Variants in NBN observed in about 807,000 individuals in gnomAD.
NBN encodes Nijmegen breakage syndrome 1 (nibrin).
Under a neutral mutation model 90.8 loss-of-function variants are expected in NBN, and 88 were observed. The observed-to-expected ratio is 0.97, with a 90% confidence interval of 0.82 to 1.16. NBN has a LOEUF of 1.16. Among genes scored for constraint, NBN ranks in the 50% most tolerant of loss-of-function variants. The pLI is 0.00. For missense variants in NBN, 894 were observed against 869.6 expected (o/e 1.03, Z -0.35); for synonymous variants, 328 against 295.1 (o/e 1.11, Z -1.14).
intron 5 of NBN, among the ~76,000 whole-genome samples, chr8:89,975,387 T>C (rs572977529): frequency 7.2e-5 from 11 of 152,352 alleles, no homozygotes; most frequent in South Asian, 2.1e-4. Context: ...TCGTAACCCA[T>C]TCCTTCTACT....
At chr8:89,952,944 T>G (rs1212637168) in intron 11 of NBN, among the ~76,000 whole-genome samples, 3 of 152,198 alleles carry the variant, frequency 2.0e-5, no homozygotes, top group Admixed American at 2.0e-4. Context: ...CTGTTTCTTA[T>G]ACTGAAGCAT....
intron 15 of NBN, among the ~76,000 whole-genome samples, chr8:89,936,610 A>G (rs1475347052): frequency 6.6e-6 from 1 of 152,190 alleles, no homozygotes; most frequent in Non-Finnish European, 1.5e-5. Context: ...AAAACCTCCC[A>G]CAAAAACCTG....
intron 6 of NBN, 112 bp downstream of exon 6, chr8:89,971,061 C>A: frequency 1.6e-6 from 2 of 1,233,698 alleles, no homozygotes; most frequent in South Asian, 1.3e-5. Context: ...CTACTTCACA[C>A]TTTTACACAA....
At chr8:89,950,056 G>C (rs1239677388) in intron 11 of NBN, among the ~76,000 whole-genome samples, 4 of 152,198 alleles carry the variant, frequency 2.6e-5, no homozygotes, top group Admixed American at 6.5e-5. Flanking sequence ...ATTAGATAAA[G>C]GGTTCGCTGC....
At chr8:89,939,754 G>A (rs1229451334) in intron 14 of NBN, among the ~76,000 whole-genome samples, 1 of 152,180 alleles carries the variant, frequency 6.6e-6, no homozygotes, top group African/African-American at 2.4e-5. Flanking sequence ...GCTGGGAAGG[G>A]ACTAATGGTG....
At position 89,943,296 on chromosome 8, in the gene NBN, C is replaced by T. The variant is rs753270166; in HGVS notation, c.2141G>A (p.Arg714Gln). The T allele has an allele frequency of 1.1e-5, 18 of 1,613,494 alleles. No individual in the cohort carries two copies. The highest frequency in any genetic ancestry group is 2.7e-5 in the African/African-American group (2 of 74,864). ...GGSDLIAHHA[R>Q]KNTELEEWLR... ...CCACTCTTCTAGTTCTGTATTCTTT[C>T]GAGCATGATGAGCTATTAGATCTGA... Residue 714 changes from arginine to glutamine, a missense_variant, in exon 14 of 16, where the codon CGA becomes CAA. Transcript: ENST00000265433.
chr8:89,978,424 A>C, intron 4 of NBN, 101 bp from the exon 5 acceptor site: 2 of 917,224 alleles, frequency 2.2e-6, no homozygotes, highest in Non-Finnish European at 3.4e-6. Flanking sequence ...TACATCCATA[A>C]AAAATAATGT....
intron 11 of NBN, among the ~76,000 whole-genome samples, chr8:89,951,834 CT>C (rs1030258380): frequency 3.3e-5 from 5 of 152,154 alleles, no homozygotes; most frequent in African/African-American, 9.7e-5. Flanking sequence ...TTCATTCTCT[CT>C]TTTTTCCTTA....
chr8:89,942,499 C>G (rs969029987), intron 14 of NBN, among the ~76,000 whole-genome samples: 4 of 151,992 alleles, frequency 2.6e-5, no homozygotes, highest in Non-Finnish European at 5.9e-5. Context: ...AACTTGAAAA[C>G]AAGGTACATA....
rs1810548489 is a variant in NBN, at chr8:89,953,513, T to C, written c.1576A>G (p.Thr526Ala). The stretch of plus-strand genomic sequence containing the variant: ...TTTTTCACAATAGATTTTAAATCTG[T>C]ATCTGTAAATAAGTTATTGTCTGAG... ...TNSDNNLFTD[T>A]DLKSIVKNSA... The change falls in exon 11 of 16, where the codon ACA (threonine) becomes GCA (alanine). Residue 526 changes from threonine to alanine, a missense_variant. By Grantham distance (58) the Thr-to-Ala change is moderately conservative. Transcript: ENST00000265433. 1 of 1,613,658 alleles carries C rather than the reference T, an allele frequency of 6.2e-7. No individual in the cohort carries two copies. Among genetic ancestry groups the C allele is most frequent in the African/African-American group, 1.3e-5 (1 of 74,928 alleles).
chr8:89,984,383 T>G, intron 1 of NBN, 142 bp downstream of exon 1: 1 of 780,618 alleles, frequency 1.3e-6, no homozygotes, highest in Non-Finnish European at 2.2e-6. Flanking sequence ...GCGCTTGCCA[T>G]ACAGCGTACT....
rs1060503454 is a variant in NBN at position 89,943,308 on chromosome 8, G to A, written c.2129C>T (p.Ala710Val). The A allele has an allele frequency of 1.9e-6, 3 of 1,613,072 alleles. No homozygotes were observed. In the African/African-American group the frequency reaches 4.0e-5, roughly 22 times the overall value. Residue 710 changes from alanine (A) to valine (V), a missense_variant, in exon 14 of 16, where the codon GCT (alanine) becomes GTT (valine). By Grantham distance (64) the Ala-to-Val change is moderately conservative (BLOSUM62 0). Coordinates refer to ENST00000265433, the MANE Select transcript of NBN (RefSeq NM_002485.5). ...PHIIGGSDLI[A>V]HHARKNTELE... ...TTCTGTATTCTTTCGAGCATGATGA[G>A]CTATTAGATCTGATCCTCCAATGAT...
At position 89,981,377 on chromosome 8, in the gene NBN, G is replaced by GA. The variant is rs745355767; in HGVS notation, c.317dup (p.Arg107GlnfsTer5). 6.2e-7 allele frequency: 1 copy of GA among 1,613,732 alleles called. No homozygotes were observed. The highest frequency in any genetic ancestry group is 1.7e-5 in the Admixed American group (1 of 60,004). On this transcript the variant is annotated frameshift_variant, in exon 3 of 16. Coordinates refer to ENST00000265433, the MANE Select transcript of NBN (RefSeq NM_002485.5). LOFTEE classifies it high-confidence loss of function. Reference sequence around the variant, plus strand: ...AAATCAATTTTAAAATGTCTTACCTGAATTTACTTCCAAACACTCCAAAAG... The same window carrying GA: ...AAATCAATTTTAAAATGTCTTACCTGAAATTTACTTCCAAACACTCCAAAAG...
chr8:89,982,509 T>G (rs1291967988), intron 2 of NBN: 1 of 579,696 alleles, frequency 1.7e-6, no homozygotes, highest in Non-Finnish European at 3.1e-6. Context: ...AAAGAGTAAA[T>G]TACTGAAATA....
chr8:89,980,654 T>TA (rs957067154), intron 4 of NBN, 80 bp downstream of exon 4: 524 of 1,211,404 alleles, frequency 4.3e-4, no homozygotes, highest in Middle Eastern at 7.0e-4. Flanking sequence ...TTAAAGTAAT[T>TA]AAAAAAAAAT....
intron 4 of NBN, among the ~76,000 whole-genome samples, chr8:89,979,117 A>C (rs1465807704): frequency 6.6e-6 from 1 of 152,184 alleles, no homozygotes; most frequent in Non-Finnish European, 1.5e-5. Context: ...AGCTGGGACT[A>C]CAGGCACATG....
intron 11 of NBN, among the ~76,000 whole-genome samples, chr8:89,950,497 G>C (rs1441691830): frequency 6.6e-6 from 1 of 151,984 alleles, no homozygotes; most frequent in Non-Finnish European, 1.5e-5. Context: ...TAAAATCAGA[G>C]GATGTGGGAC....
At chr8:89,980,672 T>G in intron 4 of NBN, 62 bp downstream of exon 4, 1 of 1,418,182 alleles carries the variant, frequency 7.1e-7, no homozygotes, top group Non-Finnish European at 9.9e-7. Flanking sequence ...AATCTGTGTA[T>G]AGTGGGTAAG....
rs863224392 is a variant in NBN at position 89,982,862 on chromosome 8, T to A, written c.38-7A>T. The A allele has an allele frequency of 1.2e-6, 2 of 1,612,808 alleles. No homozygotes were observed. The highest frequency in any genetic ancestry group is 1.7e-6 in the Non-Finnish European group (2 of 1,179,150). ...AAAAGTCTGTATGGTTCTCCTGAGA[T>A]AAATTTTTTTTTAAAAAAAGATAAG... is the stretch of plus-strand genomic sequence containing the variant. On this transcript the variant is annotated splice_region_variant and splice_polypyrimidine_tract_variant and intron_variant, in intron 1 of 15. Transcript: ENST00000265433.
Sources: allele counts gnomAD v4.1 joint callset (sites outside exome capture counted in the v4.1 genomes callset), GRCh38; gene constraint gnomAD v4.1.1; transcripts MANE v1.5; gene names NCBI Gene and HGNC (gene_info 2026-07-23, HGNC 2026-07-21).